Variants in TIMP2 observed in about 807,000 individuals in gnomAD.
TIMP2 encodes the protein metalloproteinase inhibitor 2.
Under a neutral mutation model 24.3 loss-of-function variants are expected in TIMP2, and 5 were observed. That is an observed-to-expected ratio of 0.21 (90% confidence interval 0.11 to 0.43). The LOEUF is 0.43. Ranked by LOEUF, TIMP2 falls within the 20% of genes least tolerant of loss-of-function variation. The probability of loss-of-function intolerance (pLI) is 1.00; values close to 1 mark genes in which losing one functional copy is unlikely to be tolerated. For synonymous variants in TIMP2, 130 were observed against 123.2 expected, an observed-to-expected ratio of 1.06 and a Z score of -0.37; for missense variants, 221 against 297.5, an observed-to-expected ratio of 0.74 and a Z score of 1.89.
intron 1 of TIMP2, among the ~76,000 whole-genome samples, chr17:78,921,062 G>A (rs547658477): frequency 3.3e-5 from 5 of 152,320 alleles, no homozygotes; most frequent in African/African-American, 4.8e-5. Flanking sequence ...GCGCCACGCC[G>A]CCCCCTCGCA....
chr17:78,894,851 C>T (rs1568001775), intron 1 of TIMP2, among the ~76,000 whole-genome samples: 1 of 151,866 alleles, frequency 6.6e-6, no homozygotes, highest in Non-Finnish European at 1.5e-5. Flanking sequence ...CAAAAGGTAC[C>T]ATAAGTAAAG....
intron 1 of TIMP2, among the ~76,000 whole-genome samples, chr17:78,900,598 G>A (rs1050231469): frequency 3.3e-5 from 5 of 152,100 alleles, no homozygotes; most frequent in Admixed American, 6.5e-5. Context: ...CGAGGTGGTG[G>A]TGGGCTCTTC....
Position 78,893,477 on chromosome 17 carries a change from G to C in TIMP2, c.131-19558C>G, listed in dbSNP as rs1220621092. Among the ~76,000 whole-genome samples, 277 of 148,498 alleles carry C rather than the reference G, an allele frequency of 1.9e-3. 3 individuals are homozygous for C. The highest frequency in any genetic ancestry group is 6.6e-3 in the African/African-American group (263 of 40,002). ...TGTGCAGGGGTGTGTGTGCATAGCG[G>C]TGTGTGTGCAGGGGTGTGTGCGCGC... On this transcript the variant is annotated intron_variant, in intron 1 of 4. Transcript: ENST00000262768.
In TIMP2 at chr17:78,925,230, C is replaced by A; in HGVS notation, c.-142G>T. The A allele has an allele frequency of 6.1e-6, 1 of 164,708 alleles. No individual in the cohort carries two copies. The highest frequency in any genetic ancestry group is 1.2e-5 in the Non-Finnish European group (1 of 82,414). 10.2% of individuals were successfully genotyped at this position (164,708 alleles called of 1,614,324 possible). A position where few individuals can be genotyped will look rare whatever the true frequency, so the allele number is the denominator to read the frequency against. On this transcript the variant is annotated 5_prime_UTR_variant, in exon 1 of 5. Transcript: ENST00000262768. ...GCGCGGCTCACCCTCCTCACCTGCC[C>A]CGCTCGGCCGCGCAAACTTTCTCTC...
Position 78,855,913 on chromosome 17 carries a change from G to A in TIMP2, c.466-49C>T. The A allele has an allele frequency of 6.3e-7, 1 of 1,593,918 alleles. No individual in the cohort carries two copies. Among genetic ancestry groups the A allele is most frequent in the Non-Finnish European group, 8.6e-7 (1 of 1,163,160 alleles). ...GACGGAGTCAGGGACCCAGGAAGGG[G>A]TGGGCAGAGGCTGCTCTGGGGGCAT... On this transcript the variant is annotated intron_variant, in intron 4 of 4. Transcript: ENST00000262768. This position sits in a 1 kb window ranked among gnomAD's most constrained non-coding sequence, Gnocchi z 6.0.
chr17:78,895,879 C>T (rs1305303288), intron 1 of TIMP2, among the ~76,000 whole-genome samples: 1 of 152,190 alleles, frequency 6.6e-6, no homozygotes, highest in African/African-American at 2.4e-5. Flanking sequence ...TGGCTCACAC[C>T]CCTTGTCAAC....
rs1164915181 is a variant in TIMP2, at chr17:78,855,555, A to T, written c.*112T>A. On this transcript the variant is annotated 3_prime_UTR_variant, in exon 5 of 5. Transcript: ENST00000262768. This position sits in a 1 kb window ranked among gnomAD's most constrained non-coding sequence, Gnocchi z 6.0. ...AGCAGAATCATATTAATTTGGACCC[A>T]TGGGATGAGTGTTTTATTCATGCTG... 1 of 1,227,504 alleles carries T rather than the reference A, an allele frequency of 8.1e-7. No individual in the cohort carries two copies. The highest frequency in any genetic ancestry group is 1.1e-6 in the Non-Finnish European group (1 of 880,974). 76.0% of individuals were successfully genotyped at this position (1,227,504 alleles called of 1,614,324 possible).
chr17:78,889,035 T>C (rs2003241), intron 1 of TIMP2, among the ~76,000 whole-genome samples: 37,962 of 152,114 alleles, frequency 0.25, 9,128 homozygotes, highest in African/African-American at 0.63. Flanking sequence ...CAGATGCCGC[T>C]CACCACCTAT....
chr17:78,854,093 C>CT lies in TIMP2; in HGVS notation c.*1573dup, dbSNP rs2069505374. 1 of 152,188 alleles carries CT rather than the reference C, an allele frequency of 6.6e-6. No individual in the cohort carries two copies. The highest frequency in any genetic ancestry group is 1.5e-5 in the Non-Finnish European group (1 of 68,086). 9.4% of individuals were successfully genotyped at this position (152,188 alleles called of 1,614,324 possible). On this transcript the variant is annotated 3_prime_UTR_variant, in exon 5 of 5. Transcript: ENST00000262768. The stretch of plus-strand genomic sequence containing the variant: ...TGCATGCCACTTGGGGGTCAGGAGT[C>CT]TTAACAGGTGCTTTGGGGTTGCCGC...
At chr17:78,909,929 G>A (rs543256705) in intron 1 of TIMP2, among the ~76,000 whole-genome samples, 3 of 152,268 alleles carry the variant, frequency 2.0e-5, no homozygotes, top group Non-Finnish European at 2.9e-5. Flanking sequence ...CGGAGTGTCC[G>A]TCTAGTACTG....
intron 1 of TIMP2, chr17:78,890,550 G>C: frequency 7.2e-7 from 1 of 1,395,398 alleles, no homozygotes; most frequent in Non-Finnish European, 9.6e-7. Context: ...CTGAGGCAAT[G>C]ACGCAAACAC....
chr17:78,911,850 A>C (rs2070211169), intron 1 of TIMP2, among the ~76,000 whole-genome samples: 1 of 150,002 alleles, frequency 6.7e-6, no homozygotes, highest in African/African-American at 2.5e-5. Context: ...GTTCAAGACC[A>C]GCCAGGCCAA....
chr17:78,916,418 C>G (rs1197883714), intron 1 of TIMP2, among the ~76,000 whole-genome samples: 1 of 152,184 alleles, frequency 6.6e-6, no homozygotes, highest in Non-Finnish European at 1.5e-5. Flanking sequence ...AAATCCCTCT[C>G]GCCGAGACTT....
intron 1 of TIMP2, among the ~76,000 whole-genome samples, chr17:78,903,781 AC>A (rs2070129784): frequency 6.6e-6 from 1 of 152,056 alleles, no homozygotes; most frequent in African/African-American, 2.4e-5. Context: ...CTGGGGATGA[AC>A]ATGGGACACT....
At chr17:78,912,784 C>G (rs2070220609) in intron 1 of TIMP2, among the ~76,000 whole-genome samples, 1 of 152,222 alleles carries the variant, frequency 6.6e-6, no homozygotes, top group Admixed American at 6.5e-5. Flanking sequence ...GAACAGCCAG[C>G]TGGTAAGTAA....
In TIMP2 at chr17:78,857,652, G is replaced by A; in HGVS notation, c.341-6C>T. ...GCCGTCCCCCTCGGCCTTTCCTGCG[G>A]AGAGACGGGGATCACCGAGCTCAGG... On this transcript the variant is annotated splice_region_variant and splice_polypyrimidine_tract_variant and intron_variant, in intron 3 of 4. Transcript: ENST00000262768. The A allele has an allele frequency of 6.2e-7, 1 of 1,614,070 alleles. No individual in the cohort carries two copies. The highest frequency in any genetic ancestry group is 8.5e-7 in the Non-Finnish European group (1 of 1,180,014).
chr17:78,918,058 A>G (rs370407804), intron 1 of TIMP2, among the ~76,000 whole-genome samples: 65 of 98,054 alleles, frequency 6.6e-4, no homozygotes, highest in Middle Eastern at 4.6e-3. Context: ...GTACGCGTGC[A>G]CACACAAACA....
chr17:78,902,678 C>G (rs1356273017), intron 1 of TIMP2: 1 of 152,298 alleles, frequency 6.6e-6, no homozygotes, highest in Non-Finnish European at 1.5e-5. Flanking sequence ...CTCCAAACTC[C>G]CAGCTGAGAC....
At position 78,855,508 on chromosome 17, in the gene TIMP2, A is replaced by G. The variant is rs921799929; in HGVS notation, c.*159T>C. ...CACGTCTCCCTCCAGACCCACAACCATGTCTAAAAGGAGAAGGGGGGAGCA... is the reference window on the plus strand; with the variant it reads ...CACGTCTCCCTCCAGACCCACAACCGTGTCTAAAAGGAGAAGGGGGGAGCA... On this transcript the variant is annotated 3_prime_UTR_variant, in exon 5 of 5. Transcript: ENST00000262768. This position sits in a 1 kb window ranked among gnomAD's most constrained non-coding sequence, Gnocchi z 6.0. 10 of 870,842 alleles carry G rather than the reference A, an allele frequency of 1.1e-5. No individual in the cohort carries two copies. The African/African-American group carries it at 1.5e-4, about 13-fold the overall frequency. The allele number at this position is 870,842 out of a possible 1,614,324, so 53.9% of individuals were successfully genotyped here.
Sources: gnomAD v4.1 joint callset for allele counts (sites outside exome capture counted in the v4.1 genomes callset) on GRCh38, gnomAD v4.1.1 for gene constraint, Gnocchi (gnomAD v3.1) non-coding constraint, MANE v1.5 for transcripts, NCBI Gene and HGNC (gene_info 2026-07-23, HGNC 2026-07-21) for gene names.